GPR158: variants seen among roughly 807,000 people sequenced by gnomAD.
The protein encoded by GPR158 is metabotropic glycine receptor.
Under a neutral mutation model 78.2 loss-of-function variants are expected in GPR158, and 30 were observed. The observed-to-expected ratio is 0.38, with a 90% CI of 0.29 to 0.52. The LOEUF is 0.52. Among genes scored for constraint, GPR158 ranks in the 20% least tolerant of loss-of-function variants. The probability of loss-of-function intolerance (pLI) is 0.83; values close to 1 mark genes in which losing one functional copy is unlikely to be tolerated. For synonymous variants in GPR158, 581 were observed against 591.1 expected (o/e 0.98, Z 0.25); for missense variants, 1,463 against 1,523.5 (o/e 0.96, Z 0.66).
chr10:25,559,682 A>C (rs1047130256), intron 6 of GPR158, among the ~76,000 whole-genome samples: 3 of 152,222 alleles, frequency 2.0e-5, no homozygotes, highest in African/African-American at 7.2e-5. Context: ...CTAATGTTAT[A>C]AAATATTTTA....
At chr10:25,423,514 C>A (rs957609145) in intron 4 of GPR158, among the ~76,000 whole-genome samples, 2 of 151,816 alleles carry the variant, frequency 1.3e-5, no homozygotes, top group African/African-American at 4.8e-5. Context: ...TTAGGTATTT[C>A]TCTTAATGCT....
chr10:25,377,410 T>C (rs1247262675), intron 2 of GPR158, among the ~76,000 whole-genome samples: 1 of 152,062 alleles, frequency 6.6e-6, no homozygotes, highest in Non-Finnish European at 1.5e-5. Context: ...CTATAAAATT[T>C]ACCTTTCTAA....
At chr10:25,284,245 AT>A (rs1384950204) in intron 2 of GPR158, among the ~76,000 whole-genome samples, 1 of 151,582 alleles carries the variant, frequency 6.6e-6, no homozygotes, top group Non-Finnish European at 1.5e-5. Context: ...GGGTTTGTCT[AT>A]TTTTCTTTTA....
rs535323016 is a variant in GPR158 at position 25,202,940 on chromosome 10, T to C, written c.903-18112T>C. 1.3e-4 allele frequency among the ~76,000 whole-genome samples: 20 copies of C among 152,284 alleles called. No individual in the cohort carries two copies. The South Asian group carries it at 3.3e-3, about 25-fold the overall frequency. On this transcript the variant is annotated intron_variant, in intron 1 of 10. Transcript: ENST00000376351. ...TGTTGTTTCCTGACTTTTTAATGAT[T>C]GCCATTCTAACTGGTGTGAGATGGT...
intron 5 of GPR158, among the ~76,000 whole-genome samples, chr10:25,501,658 T>A (rs917197585): frequency 2.0e-5 from 3 of 152,142 alleles, no homozygotes; most frequent in Non-Finnish European, 4.4e-5. Flanking sequence ...CTCTGGCCAG[T>A]GTGCGCTCAG....
At chr10:25,253,290 G>A (rs900525732) in intron 2 of GPR158, among the ~76,000 whole-genome samples, 1 of 152,194 alleles carries the variant, frequency 6.6e-6, no homozygotes, top group East Asian at 1.9e-4. Flanking sequence ...CGGTCACGCT[G>A]GGAGCTGTAG....
rs764526409 is a variant in GPR158 at position 25,596,624 on chromosome 10, C to T, written c.1999-19C>T. 5.6e-6 allele frequency: 9 copies of T among 1,600,492 alleles called. No individual in the cohort carries two copies. Among genetic ancestry groups the T allele is most frequent in the African/African-American group, 1.3e-5 (1 of 74,786 alleles). On this transcript the variant is annotated intron_variant, in intron 9 of 10. Transcript: ENST00000376351. The stretch of plus-strand genomic sequence containing the variant: ...TTACAGTGAGCTAATGTCTACTGCT[C>T]ATACTGAATTTGTTTCAGTTTTCAC...
chr10:25,395,923 A>T lies in GPR158; in HGVS notation c.1021A>T (p.Lys341Ter). Residue 341 changes from lysine to a stop codon, truncating the protein, a stop_gained, in exon 3 of 11, where the codon AAA becomes TAA. Coordinates refer to ENST00000376351, the MANE Select transcript of GPR158 (RefSeq NM_020752.3). LOFTEE classifies it high-confidence loss of function. ...TTCTTCTTCATAGTGTATGCCAATT[A>T]AAGGCCTAGGATTCGTTCTTGGAGC... ...HLNNSECMPI[K>*]GLGFVLGAYE... The T allele has an allele frequency of 6.3e-7, 1 of 1,579,598 alleles. No homozygotes were observed. Among genetic ancestry groups the T allele is most frequent in the South Asian group, 1.1e-5 (1 of 90,386 alleles).
intron 6 of GPR158, among the ~76,000 whole-genome samples, chr10:25,569,775 G>T (rs1836980345): frequency 6.6e-6 from 1 of 152,102 alleles, no homozygotes; most frequent in Non-Finnish European, 1.5e-5. Flanking sequence ...TAGTAGATTT[G>T]CTAGCCACAT....
At chr10:25,373,056 C>T (rs948592261) in intron 2 of GPR158, among the ~76,000 whole-genome samples, 2 of 151,746 alleles carry the variant, frequency 1.3e-5, no homozygotes, top group African/African-American at 4.8e-5. Flanking sequence ...ACCTAAATGC[C>T]CATCAACGGC....
chr10:25,431,855 G>A (rs1409739838), intron 4 of GPR158, among the ~76,000 whole-genome samples: 1 of 152,110 alleles, frequency 6.6e-6, no homozygotes, highest in Non-Finnish European at 1.5e-5. Flanking sequence ...TCTGGGGACT[G>A]TTGTGGGGTT....
chr10:25,356,999 C>T (rs1013178323), intron 2 of GPR158, among the ~76,000 whole-genome samples: 6 of 151,954 alleles, frequency 3.9e-5, no homozygotes, highest in East Asian at 2.0e-4. Flanking sequence ...CAATAAGGTC[C>T]GGGCTGAAGT....
At chr10:25,502,704 T>C (rs922712288) in intron 5 of GPR158, among the ~76,000 whole-genome samples, 23 of 152,146 alleles carry the variant, frequency 1.5e-4, no homozygotes, top group Non-Finnish European at 7.4e-5. Context: ...TCAAACAGAC[T>C]GTGAATAAAT....
chr10:25,458,073 T>C (rs1057140131), intron 4 of GPR158, among the ~76,000 whole-genome samples: 2 of 152,234 alleles, frequency 1.3e-5, no homozygotes, highest in Non-Finnish European at 2.9e-5. Context: ...TGTCATACTG[T>C]TTTAAATAAC....
At chr10:25,450,004 G>GAA (rs111752868) in intron 4 of GPR158, among the ~76,000 whole-genome samples, 26,705 of 148,306 alleles carry the variant, frequency 0.18, 3,076 homozygotes, top group East Asian at 0.6. Context: ...AAAATGATCA[G>GAA]AAAAAAAAAA....
intron 2 of GPR158, among the ~76,000 whole-genome samples, chr10:25,302,067 CTTT>C (rs200536212): frequency 0.13 from 17,435 of 133,904 alleles, 2,056 homozygotes; most frequent in African/African-American, 0.35. Context: ...TAATTTGTTC[CTTT>C]TTTTTTTTTT....
At chr10:25,413,568 A>G (rs1165549240) in intron 4 of GPR158, among the ~76,000 whole-genome samples, 2 of 152,164 alleles carry the variant, frequency 1.3e-5, no homozygotes, top group Non-Finnish European at 2.9e-5. Context: ...AATTCAAATG[A>G]TCTCTTTATA....
Position 25,175,885 on chromosome 10 carries a change from T to C in GPR158, c.465T>C (p.Asp155=), listed in dbSNP as rs1403115465. Residue 155 remains aspartate, a synonymous_variant, in exon 1 of 11, where the codon GAT becomes GAC. Transcript: ENST00000376351. This position sits in a 1 kb window ranked among gnomAD's most constrained non-coding sequence, Gnocchi z 6.4. ...AGCAGAACTTGCAGGACGACCTGGA[T>C]TGGTACCAGGCGCTGGTGTGGAGCC... ...SREQNLQDDL[D]WYQALVWSLL... 2.5e-5 allele frequency: 41 copies of C among 1,613,678 alleles called. No homozygotes were observed. The highest frequency in any genetic ancestry group is 3.4e-5 in the Non-Finnish European group (40 of 1,179,976).
intron 5 of GPR158, among the ~76,000 whole-genome samples, chr10:25,487,547 G>A (rs1835751095): frequency 2.0e-5 from 3 of 152,150 alleles, no homozygotes; most frequent in South Asian, 2.1e-4. Flanking sequence ...TAAGGATGTG[G>A]ATAGTGGAGC....
Sources: gnomAD v4.1 joint callset for allele counts (sites outside exome capture counted in the v4.1 genomes callset) on GRCh38, gnomAD v4.1.1 for gene constraint, Gnocchi (gnomAD v3.1) non-coding constraint, MANE v1.5 for transcripts, NCBI Gene and HGNC (gene_info 2026-07-23, HGNC 2026-07-21) for gene names.